The following NAALADL2 variants were observed in gnomAD, a reference collection of about 807,000 sequenced individuals.
The protein encoded by NAALADL2 is N-acetylated alpha-linked acidic dipeptidase like 2, also known as inactive N-acetylated-alpha-linked acidic dipeptidase-like protein 2.
NAALADL2 carries 76 observed loss-of-function variants against 87.2 expected under a neutral mutation model. The ratio of observed to expected loss-of-function variants is 0.87; its 90% CI spans 0.72 to 1.05. The LOEUF is 1.05. Ranked by LOEUF, NAALADL2 falls within the 50% of genes least tolerant of loss-of-function variation. The pLI is 0.00. For missense variants in NAALADL2, 1,089 were observed against 945.8 expected, an observed-to-expected ratio of 1.15 and a Z score of -1.99; for synonymous variants, 354 against 331.0, an observed-to-expected ratio of 1.07 and a Z score of -0.75.
chr3:174,975,492 T>C (rs1199519228), intron 1 of NAALADL2, among the ~76,000 whole-genome samples: 1 of 152,190 alleles, frequency 6.6e-6, no homozygotes, highest in East Asian at 1.9e-4. Context: ...TTTTTTTCCA[T>C]TATTTTTAAT....
intron 1 of NAALADL2, among the ~76,000 whole-genome samples, chr3:175,030,718 A>T (rs1275541367): frequency 6.6e-6 from 1 of 152,074 alleles, no homozygotes; most frequent in Non-Finnish European, 1.5e-5. Flanking sequence ...TAAAGAGAAA[A>T]GAAGTGTAGC....
At chr3:174,789,683 T>C (rs141783056) in intron 3 of NAALADL2, among the ~76,000 whole-genome samples, 4 of 152,272 alleles carry the variant, frequency 2.6e-5, no homozygotes, top group Non-Finnish European at 5.9e-5. Context: ...ATAAGAGGAA[T>C]GGAGATGACT....
intron 4 of NAALADL2, among the ~76,000 whole-genome samples, chr3:175,323,417 A>G (rs960114944): frequency 5.9e-5 from 9 of 151,410 alleles, no homozygotes; most frequent in African/African-American, 2.2e-4. Context: ...GCAGCGCAGC[A>G]GCATGGCACA....
intron 11 of NAALADL2, chr3:175,655,594 A>G: frequency 4.8e-6 from 1 of 209,086 alleles, no homozygotes; most frequent in Non-Finnish European, 1.0e-5. Flanking sequence ...CGCAGAAACA[A>G]TCATCAGCAA....
At chr3:175,275,571 A>G (rs1454061478) in intron 4 of NAALADL2, among the ~76,000 whole-genome samples, 3 of 151,070 alleles carry the variant, frequency 2.0e-5, no homozygotes, top group Non-Finnish European at 4.4e-5. Flanking sequence ...ATGGCAGTAA[A>G]CTGTCTCCTT....
intron 2 of NAALADL2, among the ~76,000 whole-genome samples, chr3:175,225,454 C>T (rs1744014702): frequency 6.6e-6 from 1 of 152,068 alleles, no homozygotes; most frequent in Admixed American, 6.6e-5. Flanking sequence ...GGTAAGACTA[C>T]TACCTGTCTT....
intron 13 of NAALADL2, among the ~76,000 whole-genome samples, chr3:175,758,832 C>CA (rs1383710295): frequency 6.6e-6 from 1 of 151,832 alleles, no homozygotes; most frequent in Admixed American, 6.6e-5. Context: ...ATGTTATTCA[C>CA]ATAAGAATCT....
intron 5 of NAALADL2, among the ~76,000 whole-genome samples, chr3:175,381,490 T>C (rs1399439459): frequency 1.3e-5 from 2 of 152,066 alleles, no homozygotes; most frequent in African/African-American, 2.4e-5. Context: ...TAATGATTCA[T>C]AATAATCTTC....
intron 2 of NAALADL2, among the ~76,000 whole-genome samples, chr3:174,700,229 G>GTTTT (rs71624290): frequency 7.1e-6 from 1 of 140,438 alleles, no homozygotes; most frequent in Non-Finnish European, 1.5e-5. Flanking sequence ...TTTTGCCACA[G>GTTTT]TTTTTTTTTT....
chr3:174,995,068 T>G lies in NAALADL2; in HGVS notation c.44-101722T>G, dbSNP rs1248982647. On this transcript the variant is annotated intron_variant, in intron 1 of 13. Coordinates refer to ENST00000454872, the MANE Select transcript of NAALADL2 (RefSeq NM_207015.3). ...TACCCTATGTTATCCCATTTATTTA[T>G]TCTGGCCATTTAGAGACAGTAAAAA... 5.3e-5 allele frequency among the ~76,000 whole-genome samples: 8 copies of G among 152,056 alleles called. 1 individual carries two copies. The East Asian group carries it at 1.5e-3, about 29-fold the overall frequency.
intron 9 of NAALADL2, among the ~76,000 whole-genome samples, chr3:175,547,413 T>C (rs1713536454): frequency 6.6e-6 from 1 of 152,030 alleles, no homozygotes. Flanking sequence ...TTAAGCAAGA[T>C]GGATTAAAGG....
In NAALADL2 at chr3:174,872,729, C is replaced by T. The variant is rs183873376; in HGVS notation, c.43+13279C>T. ...AAACCAATGTATTCATCTACACACA[C>T]ACATACACACACACACACACACACA... On this transcript the variant is annotated intron_variant, in intron 1 of 13. Transcript: ENST00000454872. Among the ~76,000 whole-genome samples, 620 of 144,818 alleles carry T rather than the reference C, an allele frequency of 4.3e-3. 31 individuals are homozygous for T. In the East Asian group the frequency reaches 0.094, roughly 22 times the overall value.
chr3:174,698,544 T>A (rs1170358182), intron 2 of NAALADL2, among the ~76,000 whole-genome samples: 1 of 152,138 alleles, frequency 6.6e-6, no homozygotes, highest in African/African-American at 2.4e-5. Flanking sequence ...CTAGTTTCCT[T>A]GTTTTGCTGT....
rs767214191 is a variant in NAALADL2, at chr3:175,806,285, G to C, written c.*3082G>C. 3 of 151,834 alleles carry C rather than the reference G, an allele frequency of 2.0e-5. No individual in the cohort carries two copies. The highest frequency in any genetic ancestry group is 6.6e-5 in the Admixed American group (1 of 15,194). 9.4% of individuals were successfully genotyped at this position (151,834 alleles called of 1,614,324 possible). A position where few individuals can be genotyped will look rare whatever the true frequency, so the allele number is the denominator to read the frequency against. On this transcript the variant is annotated 3_prime_UTR_variant, in exon 14 of 14. Coordinates refer to ENST00000454872, the MANE Select transcript of NAALADL2 (RefSeq NM_207015.3). ...TGGGGAGAATCCTTACAGAACACCA[G>C]AAGTCAGGAAGAAGGACATTGAGCA...
intron 1 of NAALADL2, among the ~76,000 whole-genome samples, chr3:174,997,887 A>G (rs1051035135): frequency 2.6e-5 from 4 of 152,144 alleles, no homozygotes; most frequent in Non-Finnish European, 5.9e-5. Flanking sequence ...TGATATAAAT[A>G]GAAACCAAAG....
At chr3:174,471,216 T>TA (rs1333697532) in intron 1 of NAALADL2, among the ~76,000 whole-genome samples, 2 of 152,050 alleles carry the variant, frequency 1.3e-5, no homozygotes, top group African/African-American at 4.8e-5. Flanking sequence ...TTTTTTTTTT[T>TA]ATATTTCAAC....
intron 3 of NAALADL2, among the ~76,000 whole-genome samples, chr3:174,846,056 C>T (rs1216413231): frequency 6.6e-6 from 1 of 152,130 alleles, no homozygotes; most frequent in Non-Finnish European, 1.5e-5. Flanking sequence ...CCACACTGAG[C>T]TTGGGGCCTG....
At chr3:174,809,876 C>T (rs1719968226) in intron 3 of NAALADL2, among the ~76,000 whole-genome samples, 1 of 152,138 alleles carries the variant, frequency 6.6e-6, no homozygotes, top group Admixed American at 6.5e-5. Context: ...AATGGTTTAG[C>T]ATCATCCTTT....
At chr3:174,942,188 T>G (rs889691662) in intron 1 of NAALADL2, among the ~76,000 whole-genome samples, 7 of 152,180 alleles carry the variant, frequency 4.6e-5, no homozygotes, top group African/African-American at 1.7e-4. Context: ...CTTTCTATAT[T>G]TACTGCTTTT....
Sources: gnomAD v4.1 joint callset for allele counts (sites outside exome capture counted in the v4.1 genomes callset) on GRCh38, gnomAD v4.1.1 for gene constraint, MANE v1.5 for transcripts, NCBI Gene and HGNC (gene_info 2026-07-23, HGNC 2026-07-21) for gene names.